FAT1: variants seen among roughly 807,000 people sequenced by gnomAD.
The protein encoded by FAT1 is protocadherin Fat 1.
Under a neutral mutation model 329.8 loss-of-function variants are expected in FAT1, and 171 were observed. That is an observed-to-expected ratio of 0.52 (90% CI 0.46 to 0.59). FAT1 has a LOEUF of 0.59. Ranked by LOEUF, FAT1 falls within the 20% of genes least tolerant of loss-of-function variation. The pLI is 0.00. For synonymous variants in FAT1, 2,233 were observed against 2,228.6 expected (o/e 1.00, Z -0.06); for missense variants, 5,672 against 5,774.4 (o/e 0.98, Z 0.57).
intron 18 of FAT1, 84 bp downstream of exon 18, chr4:186,604,293 G>T: frequency 8.8e-7 from 1 of 1,134,680 alleles, no homozygotes; most frequent in Non-Finnish European, 1.3e-6. Context: ...TGAAATGTAA[G>T]CTGTTCAAAT....
chr4:186,646,287 C>T (rs531799265), intron 3 of FAT1, among the ~76,000 whole-genome samples: 17 of 152,298 alleles, frequency 1.1e-4, no homozygotes, highest in Admixed American at 5.9e-4. Flanking sequence ...TCACCCGATA[C>T]CTTCCTTTTA....
At chr4:186,710,593 C>G (rs906495748) in intron 1 of FAT1, among the ~76,000 whole-genome samples, 1 of 152,162 alleles carries the variant, frequency 6.6e-6, no homozygotes, top group African/African-American at 2.4e-5. Context: ...TGATGTCAAA[C>G]AGCATTTTTC....
At chr4:186,614,726 T>C (rs1362488531) in intron 11 of FAT1, among the ~76,000 whole-genome samples, 1 of 152,234 alleles carries the variant, frequency 6.6e-6, no homozygotes, top group Non-Finnish European at 1.5e-5. Context: ...TGTCGTATCA[T>C]ATCTGCTCAT....
intron 20 of FAT1, chr4:186,601,782 C>G (rs1738829985): frequency 5.9e-6 from 1 of 168,816 alleles, no homozygotes; most frequent in South Asian, 1.9e-4. Context: ...AAAACAATCC[C>G]CATTCCCCAA....
intron 4 of FAT1, 125 bp downstream of exon 4, chr4:186,639,597 T>C (rs1295598795): frequency 3.2e-6 from 2 of 633,382 alleles, no homozygotes; most frequent in Non-Finnish European, 5.3e-6. Context: ...TAACAACCAG[T>C]AAATAATATT....
rs777067046 is a variant in FAT1 at position 186,707,367 on chromosome 4, C to A, written c.2461G>T (p.Glu821Ter). 6.2e-7 allele frequency: 1 copy of A among 1,613,982 alleles called. No homozygotes were observed. The highest frequency in any genetic ancestry group is 8.5e-7 in the Non-Finnish European group (1 of 1,179,894). The change falls in exon 2 of 27, where the codon GAG becomes TAG. Residue 821 changes from glutamate (E) to a stop codon, truncating the protein, a stop_gained. Transcript: ENST00000441802. LOFTEE classifies it high-confidence loss of function. The stretch of plus-strand genomic sequence containing the variant: ...ACAAAATAGCTCTCCTGTAAAAACT[C>A]GGGTGGATTATCATTGGCATCGACA... ...VVVDANDNPPEFLQESYFVEV... is the reference protein window; with the variant it reads ...VVVDANDNPP
At chr4:186,649,476 G>A (rs149259423) in intron 3 of FAT1, among the ~76,000 whole-genome samples, 91 of 152,284 alleles carry the variant, frequency 6.0e-4, no homozygotes, top group African/African-American at 1.9e-3. Context: ...ACCTCAAGAT[G>A]AGACCACCTT....
At chr4:186,615,287 TC>T (rs1163207182) in intron 11 of FAT1, among the ~76,000 whole-genome samples, 26 of 152,064 alleles carry the variant, frequency 1.7e-4, no homozygotes, top group Admixed American at 1.6e-3. Flanking sequence ...TAACTCCTCA[TC>T]CCTCAGAAGT....
At chr4:186,590,366 A>G (rs1738179291) in intron 26 of FAT1, 1 of 1,289,024 alleles carries the variant, frequency 7.8e-7, no homozygotes, top group African/African-American at 1.5e-5. Context: ...TGCATAAGTC[A>G]CCTCTTGGTT....
In FAT1 at chr4:186,645,399, AT is replaced by A. The variant is rs1560962414; in HGVS notation, c.3581-5617del. The stretch of plus-strand genomic sequence containing the variant: ...TATATATATATATATATATATATAT[AT>A]ATATATATATATATATATATATGCC... On this transcript the variant is annotated intron_variant, in intron 3 of 26. Transcript: ENST00000441802. Among the ~76,000 whole-genome samples, 51 of 102,116 alleles carry A rather than the reference AT, an allele frequency of 5.0e-4. 2 individuals are homozygous for A. In the East Asian group the frequency reaches 5.4e-3, roughly 11 times the overall value. The allele number at this position is 102,116 out of a possible 152,430, so 67.0% of individuals were successfully genotyped here. A position where few individuals can be genotyped will look rare whatever the true frequency, so the allele number is the denominator to read the frequency against.
Position 186,708,087 on chromosome 4 carries a change from C to T in FAT1, c.1741G>A (p.Asp581Asn), listed in dbSNP as rs1744733005. 1 of 1,613,854 alleles carries T rather than the reference C, an allele frequency of 6.2e-7. No homozygotes were observed. The highest frequency in any genetic ancestry group is 8.5e-7 in the Non-Finnish European group (1 of 1,179,894). Residue 581 changes from aspartate to asparagine, a missense_variant, in exon 2 of 27, where the codon GAT becomes AAT. Physicochemically the swap from Asp to Asn is conservative, Grantham distance 23. Coordinates refer to ENST00000441802, the MANE Select transcript of FAT1 (RefSeq NM_005245.4). ...GTTATTTGCTCTCCCACGCCTAGATCTCTGGGAATTGTCCCTTCACAATTT... is the reference window on the plus strand; with the variant it reads ...GTTATTTGCTCTCCCACGCCTAGATTTCTGGGAATTGTCCCTTCACAATTT... ...KINCEGTIPR[D>N]LGVGEQITTV...
chr4:186,722,682 C>G (rs1027843904), intron 1 of FAT1, among the ~76,000 whole-genome samples: 6 of 152,200 alleles, frequency 3.9e-5, no homozygotes, highest in African/African-American at 1.4e-4. Context: ...TTCTCACACA[C>G]AGATACCTTC....
At chr4:186,591,542 T>C (rs2126366977) in intron 26 of FAT1, among the ~76,000 whole-genome samples, 1 of 152,364 alleles carries the variant, frequency 6.6e-6, no homozygotes, top group South Asian at 2.1e-4. Flanking sequence ...TGTGCACTTC[T>C]TGGATATGCC....
chr4:186,647,103 C>G (rs886129478), intron 3 of FAT1, among the ~76,000 whole-genome samples: 4 of 152,194 alleles, frequency 2.6e-5, no homozygotes, highest in African/African-American at 9.7e-5. Context: ...CAAATGTCAC[C>G]ATGAGAGACA....
intron 3 of FAT1, among the ~76,000 whole-genome samples, chr4:186,662,611 C>T (rs967676027): frequency 2.0e-5 from 3 of 152,190 alleles, no homozygotes; most frequent in African/African-American, 7.2e-5. Context: ...AACTAGCCAA[C>T]TGTGAAATAA....
At chr4:186,600,942 C>T (rs1486767334) in intron 21 of FAT1, among the ~76,000 whole-genome samples, 1 of 152,200 alleles carries the variant, frequency 6.6e-6, no homozygotes, top group Non-Finnish European at 1.5e-5. Context: ...AAATTCCTGA[C>T]CTCAAGTGAT....
intron 2 of FAT1, among the ~76,000 whole-genome samples, chr4:186,665,689 AG>A (rs1742405489): frequency 6.6e-6 from 1 of 152,066 alleles, no homozygotes; most frequent in East Asian, 1.9e-4. Flanking sequence ...GAAGCTCTTT[AG>A]TTTAATTAGA....
At chr4:186,658,089 A>C (rs541803619) in intron 3 of FAT1, among the ~76,000 whole-genome samples, 4 of 152,346 alleles carry the variant, frequency 2.6e-5, no homozygotes, top group East Asian at 1.9e-4. Flanking sequence ...AAGTTAAAAG[A>C]AGCACATTTA....
rs1744865989 is a variant in FAT1 at position 186,709,795 on chromosome 4, C to G, written c.33G>C (p.Leu11=). The G allele has an allele frequency of 6.2e-7, 1 of 1,608,558 alleles. No homozygotes were observed. MGRHLALLLL[L]LLLFQHFGDS... is the part of the protein sequence containing the mutation. ...CTCCAAAATGTTGGAAGAGAAGGAG[C>G]AGAAGCAGGAGCAAAGCCAAATGTC... The change falls in exon 2 of 27, where the codon CTG becomes CTC. Residue 11 remains leucine (L), a synonymous_variant. Coordinates refer to ENST00000441802, the MANE Select transcript of FAT1 (RefSeq NM_005245.4).
Sources: allele counts gnomAD v4.1 joint callset (sites outside exome capture counted in the v4.1 genomes callset), GRCh38; gene constraint gnomAD v4.1.1; transcripts MANE v1.5; gene names NCBI Gene and HGNC (gene_info 2026-07-23, HGNC 2026-07-21).